WDR49: variants seen among roughly 807,000 people sequenced by gnomAD.
WDR49 encodes cilia- and flagella-associated protein 337.
In WDR49, 107 loss-of-function variants were observed where a neutral mutation model predicts 119.5. The ratio of observed to expected loss-of-function variants is 0.90; its 90% confidence interval spans 0.77 to 1.05. The LOEUF is 1.05. Ranked by LOEUF, WDR49 falls within the 50% of genes least tolerant of loss-of-function variation. The probability of loss-of-function intolerance (pLI) is 0.00; values close to 1 mark genes in which losing one functional copy is unlikely to be tolerated. For missense variants in WDR49, 1,240 were observed against 1,220.5 expected, an observed-to-expected ratio of 1.02 and a Z score of -0.24; for synonymous variants, 425 against 418.8, an observed-to-expected ratio of 1.01 and a Z score of -0.18.
rs567059106 is a variant in WDR49 at position 167,586,716 on chromosome 3, A to G, written c.1276-10565T>C. ...TAAAGACGTAAAGACTGAGATCACGATGCATTTATTAAAGTGAAATAGATT... is the reference window on the plus strand; with the variant it reads ...TAAAGACGTAAAGACTGAGATCACGGTGCATTTATTAAAGTGAAATAGATT... On this transcript the variant is annotated intron_variant, in intron 7 of 18. Coordinates refer to ENST00000682715, the MANE Select transcript of WDR49 (RefSeq NM_001366157.1). 2.8e-4 allele frequency among the ~76,000 whole-genome samples: 42 copies of G among 152,344 alleles called. No individual in the cohort carries two copies. The South Asian group carries it at 7.0e-3, about 26-fold the overall frequency.
At chr3:167,540,290 C>T (rs1178980011) in intron 10 of WDR49, among the ~76,000 whole-genome samples, 1 of 152,200 alleles carries the variant, frequency 6.6e-6, no homozygotes, top group Non-Finnish European at 1.5e-5. Flanking sequence ...AGCTACTTCA[C>T]TCTCCTGACA....
intron 2 of WDR49, among the ~76,000 whole-genome samples, chr3:167,646,448 T>A (rs568412457): frequency 1.3e-5 from 2 of 152,242 alleles, no homozygotes; most frequent in South Asian, 4.1e-4. Flanking sequence ...GCCACAAATA[T>A]ATGTCCAGAA....
At chr3:167,502,954 A>G (rs13074351) in intron 17 of WDR49, among the ~76,000 whole-genome samples, 18,066 of 152,310 alleles carry the variant, frequency 0.12, 1,184 homozygotes, top group Non-Finnish European at 0.15. Context: ...AGAGATCTGT[A>G]TAACTAAAAG....
At chr3:167,528,666 T>C (rs977131506) in intron 14 of WDR49, among the ~76,000 whole-genome samples, 6 of 152,072 alleles carry the variant, frequency 3.9e-5, no homozygotes, top group Non-Finnish European at 8.8e-5. Flanking sequence ...TGCAGAGAGC[T>C]ATAATCATGC....
Position 167,552,971 on chromosome 3 carries a change from C to A in WDR49, c.1823+1679G>T, listed in dbSNP as rs566856884. Reference sequence around the variant, plus strand: ...GCTTAGTAAGACGACTGTCAATCTTCCAGTTATTTCTTCTCTAATCACTAA... The same window carrying A: ...GCTTAGTAAGACGACTGTCAATCTTACAGTTATTTCTTCTCTAATCACTAA... On this transcript the variant is annotated intron_variant, in intron 10 of 18. Transcript: ENST00000682715. 2.1e-3 allele frequency among the ~76,000 whole-genome samples: 318 copies of A among 152,144 alleles called. 1 individual carries two copies. The highest frequency in any genetic ancestry group is 7.2e-3 in the African/African-American group (301 of 41,540).
chr3:167,490,878 C>T (rs896957472), intron 18 of WDR49, among the ~76,000 whole-genome samples: 6 of 152,098 alleles, frequency 3.9e-5, no homozygotes, highest in African/African-American at 1.4e-4. Flanking sequence ...GCAAATTGGA[C>T]TGGTCTGCTA....
chr3:167,586,378 T>A (rs1197645579), intron 7 of WDR49, among the ~76,000 whole-genome samples: 1 of 152,178 alleles, frequency 6.6e-6, no homozygotes, highest in Non-Finnish European at 1.5e-5. Flanking sequence ...AGAGAATCAG[T>A]TTAGGAGTTC....
In WDR49 at chr3:167,604,423, CTGGT is replaced by C. The variant is rs1560309026; in HGVS notation, c.1000_1003del (p.Thr334AlafsTer7). The C allele has an allele frequency of 6.2e-7, 1 of 1,613,166 alleles. No individual in the cohort carries two copies. The highest frequency in any genetic ancestry group is 8.5e-7 in the Non-Finnish European group (1 of 1,179,714). ...AGCCATCACCACACTATTTGTATTG[CTGGT>C]TGTACTGGAAATGATAGCGTCTAAA... On this transcript the variant is annotated frameshift_variant, in exon 6 of 19. Transcript: ENST00000682715. LOFTEE classifies it high-confidence loss of function.
intron 6 of WDR49, among the ~76,000 whole-genome samples, chr3:167,603,440 A>T (rs1412342483): frequency 6.6e-6 from 1 of 152,158 alleles, no homozygotes; most frequent in Admixed American, 6.6e-5. Context: ...TGGCATATTC[A>T]CGAATTCATA....
intron 2 of WDR49, among the ~76,000 whole-genome samples, chr3:167,643,777 A>G (rs1717991535): frequency 6.6e-6 from 1 of 152,092 alleles, no homozygotes; most frequent in African/African-American, 2.4e-5. Context: ...TGAGTAAATG[A>G]TAAATATATT....
At chr3:167,497,098 C>T (rs768382332) in intron 18 of WDR49, among the ~76,000 whole-genome samples, 3 of 152,172 alleles carry the variant, frequency 2.0e-5, no homozygotes, top group East Asian at 1.9e-4. Flanking sequence ...TCAAATGTGA[C>T]TGAATTCTTT....
At chr3:167,619,211 G>A (rs1318544193) in intron 5 of WDR49, among the ~76,000 whole-genome samples, 1 of 151,932 alleles carries the variant, frequency 6.6e-6, no homozygotes, top group African/African-American at 2.4e-5. Context: ...CTAGTCTTTG[G>A]CATATGTATC....
At chr3:167,499,465 T>C (rs1266892638) in intron 18 of WDR49, among the ~76,000 whole-genome samples, 2 of 152,214 alleles carry the variant, frequency 1.3e-5, no homozygotes. Flanking sequence ...TCCCCTGCAG[T>C]GTCCATGTGC....
chr3:167,616,335 C>T (rs1377914188), intron 5 of WDR49, among the ~76,000 whole-genome samples: 1 of 152,164 alleles, frequency 6.6e-6, no homozygotes, highest in Non-Finnish European at 1.5e-5. Context: ...AATCTCCCAC[C>T]ATAAACAACT....
At chr3:167,636,123 A>G (rs1717606921) in intron 2 of WDR49, among the ~76,000 whole-genome samples, 1 of 151,120 alleles carries the variant, frequency 6.6e-6, no homozygotes. Context: ...CCTTCCCACT[A>G]TTTTTCCCTG....
intron 8 of WDR49, among the ~76,000 whole-genome samples, chr3:167,569,383 TACTA>T (rs1235169207): frequency 5.3e-5 from 8 of 152,378 alleles, no homozygotes; most frequent in African/African-American, 1.7e-4. Context: ...TATTTTATTG[TACTA>T]ACTAATAAAA....
chr3:167,656,030 T>G (rs1718595906), upstream of WDR49, among the ~76,000 whole-genome samples: 1 of 152,202 alleles, frequency 6.6e-6, no homozygotes, highest in African/African-American at 2.4e-5. Context: ...TAGCTCATCT[T>G]TAATGCCAAT....
intron 7 of WDR49, among the ~76,000 whole-genome samples, chr3:167,582,741 G>A (rs1336557246): frequency 6.6e-6 from 1 of 152,102 alleles, no homozygotes; most frequent in African/African-American, 2.4e-5. Context: ...CTTGGGGTCA[G>A]GAGTTGACCT....
chr3:167,569,150 G>A (rs1335163224), intron 8 of WDR49, among the ~76,000 whole-genome samples: 1 of 152,144 alleles, frequency 6.6e-6, no homozygotes, highest in Non-Finnish European at 1.5e-5. Flanking sequence ...TACCATGTTG[G>A]CCAGGCTGGT....
Sources: gnomAD v4.1 joint callset for allele counts (sites outside exome capture counted in the v4.1 genomes callset) on GRCh38, gnomAD v4.1.1 for gene constraint, MANE v1.5 for transcripts, NCBI Gene and HGNC (gene_info 2026-07-23, HGNC 2026-07-21) for gene names.